Variants in THRB observed in about 807,000 individuals in gnomAD.
THRB encodes nuclear receptor subfamily 1 group A member 2.
THRB carries 12 observed loss-of-function variants against 47.8 expected under a neutral mutation model. The ratio of observed to expected loss-of-function variants is 0.25; its 90% CI spans 0.16 to 0.41. The LOEUF (loss-of-function observed/expected upper bound fraction) is 0.41. Ranked by LOEUF, THRB falls within the 10% of genes least tolerant of loss-of-function variation. The probability of loss-of-function intolerance (pLI) is 1.00; values close to 1 mark genes in which losing one functional copy is unlikely to be tolerated. For missense variants in THRB, 348 were observed against 589.2 expected, an observed-to-expected ratio of 0.59 and a Z score of 4.24; for synonymous variants, 218 against 212.2, an observed-to-expected ratio of 1.03 and a Z score of -0.24.
chr3:24,453,450 C>T (rs1254856039), intron 1 of THRB, among the ~76,000 whole-genome samples: 3 of 152,156 alleles, frequency 2.0e-5, no homozygotes, highest in Non-Finnish European at 4.4e-5. Flanking sequence ...CCAAGATAAT[C>T]CCCAATCCAT....
intron 3 of THRB, among the ~76,000 whole-genome samples, chr3:24,242,591 AT>A (rs945114934): frequency 7.2e-5 from 11 of 151,926 alleles, no homozygotes; most frequent in African/African-American, 2.7e-4. Context: ...GTTAAACCTT[AT>A]TTTTTTCTCA....
intron 1 of THRB, among the ~76,000 whole-genome samples, chr3:24,384,348 G>C (rs374979467): frequency 2.3e-4 from 35 of 152,192 alleles, no homozygotes; most frequent in African/African-American, 7.9e-4. Context: ...ATCAAATTCT[G>C]CATTCTTATG....
At chr3:24,370,779 C>A (rs756317643) in intron 1 of THRB, among the ~76,000 whole-genome samples, 1 of 152,104 alleles carries the variant, frequency 6.6e-6, no homozygotes, top group African/African-American at 2.4e-5. Context: ...AAGGGCTCCC[C>A]AAGCTAGGAG....
rs58200122 is a variant in THRB at position 24,269,442 on chromosome 3, C to CACACATATACAT, written c.-43+27783_-43+27784insATGTATATGTGT. On this transcript the variant is annotated intron_variant, in intron 3 of 10. Coordinates refer to ENST00000646209, the MANE Select transcript of THRB (RefSeq NM_001354712.2). ...ACACACACACACACACACACACACA[C>CACACATATACAT]TTAAGTTATCTTCGCTGTGTTGTCC... is the stretch of plus-strand genomic sequence containing the variant. Among the ~76,000 whole-genome samples, 475 of 140,988 alleles carry CACACATATACAT rather than the reference C, an allele frequency of 3.4e-3. 1 individual carries two copies. Among genetic ancestry groups the CACACATATACAT allele is most frequent in the African/African-American group, 0.012 (439 of 36,440 alleles). 92.5% of individuals were successfully genotyped at this position (140,988 alleles called of 152,430 possible).
intron 1 of THRB, among the ~76,000 whole-genome samples, chr3:24,424,435 C>T (rs757480195): frequency 6.6e-6 from 1 of 151,890 alleles, no homozygotes; most frequent in Non-Finnish European, 1.5e-5. Context: ...AAGTGGGGTT[C>T]CTTAGTAAGC....
At chr3:24,201,649 C>A (rs1002038249) in intron 4 of THRB, among the ~76,000 whole-genome samples, 1 of 152,082 alleles carries the variant, frequency 6.6e-6, no homozygotes, top group Non-Finnish European at 1.5e-5. Flanking sequence ...CCATGATTTT[C>A]CTATTCAGAA....
chr3:24,481,711 A>T (rs1215301727), intron 1 of THRB, among the ~76,000 whole-genome samples: 1 of 152,104 alleles, frequency 6.6e-6, no homozygotes, highest in Non-Finnish European at 1.5e-5. Context: ...TTTAATCTCA[A>T]TTCTAATTAA....
chr3:24,256,733 A>G (rs1388355907), intron 3 of THRB, among the ~76,000 whole-genome samples: 1 of 152,046 alleles, frequency 6.6e-6, no homozygotes, highest in African/African-American at 2.4e-5. Flanking sequence ...AATTAGAGTT[A>G]CAGAGAGATA....
At chr3:24,423,572 A>G (rs1372522453) in intron 1 of THRB, among the ~76,000 whole-genome samples, 1 of 151,884 alleles carries the variant, frequency 6.6e-6, no homozygotes, top group Non-Finnish European at 1.5e-5. Flanking sequence ...CATTCTTGAC[A>G]TACATGTGAT....
chr3:24,416,023 AC>A (rs900831515), intron 1 of THRB, among the ~76,000 whole-genome samples: 1 of 151,922 alleles, frequency 6.6e-6, no homozygotes, highest in African/African-American at 2.4e-5. Context: ...TGAAATCCAA[AC>A]TATTTCAGAA....
chr3:24,474,630 T>C (rs1695178587), intron 1 of THRB, among the ~76,000 whole-genome samples: 1 of 152,152 alleles, frequency 6.6e-6, no homozygotes, highest in South Asian at 2.1e-4. Context: ...TCAAACAAAA[T>C]ACAGCTACAG....
chr3:24,242,669 CA>C (rs1307155257), intron 3 of THRB, among the ~76,000 whole-genome samples: 2 of 152,176 alleles, frequency 1.3e-5, no homozygotes, highest in Non-Finnish European at 2.9e-5. Flanking sequence ...TTGAGTGAAT[CA>C]CATACCTTCT....
chr3:24,346,534 T>G (rs565551238), intron 1 of THRB, among the ~76,000 whole-genome samples: 92 of 152,120 alleles, frequency 6.0e-4, no homozygotes, highest in African/African-American at 2.2e-3. Flanking sequence ...ACTATATTAT[T>G]TTTTAAATCC....
At chr3:24,343,025 CT>C (rs2062780775) in intron 1 of THRB, among the ~76,000 whole-genome samples, 1 of 152,032 alleles carries the variant, frequency 6.6e-6, no homozygotes. Flanking sequence ...GACTTTTGTT[CT>C]AAAGGCAATG....
chr3:24,319,405 G>T (rs1232398097), intron 2 of THRB, among the ~76,000 whole-genome samples: 1 of 152,116 alleles, frequency 6.6e-6, no homozygotes, highest in African/African-American at 2.4e-5. Context: ...ATAAAATACT[G>T]ACATATGTAA....
At chr3:24,343,069 T>C (rs921344383) in intron 1 of THRB, among the ~76,000 whole-genome samples, 2 of 152,196 alleles carry the variant, frequency 1.3e-5, no homozygotes, top group Non-Finnish European at 2.9e-5. Flanking sequence ...AAGGATAATA[T>C]AATACCTGTT....
intron 1 of THRB, among the ~76,000 whole-genome samples, chr3:24,337,823 G>A (rs1004791561): frequency 6.6e-6 from 1 of 151,982 alleles, no homozygotes; most frequent in African/African-American, 2.4e-5. Flanking sequence ...GTCGGGTGGG[G>A]CACTGCCATA....
At chr3:24,218,567 T>C (rs181067105) in intron 4 of THRB, among the ~76,000 whole-genome samples, 2,969 of 151,916 alleles carry the variant, frequency 0.02, 34 homozygotes, top group Non-Finnish European at 0.028. Context: ...CATTGTAGGA[T>C]CGTAATTCTG....
In THRB at chr3:24,187,417, G is replaced by A. The variant is rs1365464639; in HGVS notation, c.283+2657C>T. ...AGATGGGCTCACTGCACAGCTTCAA[G>A]GAAGTCAATTTGTTCTTTGGATCCT... is the stretch of plus-strand genomic sequence containing the variant. On this transcript the variant is annotated intron_variant, in intron 5 of 10. Transcript: ENST00000646209. Among the ~76,000 whole-genome samples the A allele has an allele frequency of 2.0e-5, 3 of 152,212 alleles. No homozygotes were observed. In the East Asian group the frequency reaches 5.8e-4, roughly 29 times the overall value.
Sources: allele counts gnomAD v4.1 joint callset (sites outside exome capture counted in the v4.1 genomes callset), GRCh38; gene constraint gnomAD v4.1.1; transcripts MANE v1.5; gene names NCBI Gene and HGNC (gene_info 2026-07-23, HGNC 2026-07-21).